The following RANBP9 variants were observed in gnomAD, a reference collection of about 807,000 sequenced individuals.
RANBP9 encodes RAN binding protein 9, also known as ran-binding protein 9.
A neutral mutation model predicts 84.3 loss-of-function variants in RANBP9; 15 were observed. The observed-to-expected ratio is 0.18, with a 90% CI of 0.12 to 0.27. The LOEUF is 0.27. RANBP9 is among the 10% of genes least tolerant of loss of function. The pLI, the probability that RANBP9 is intolerant of heterozygous loss-of-function variation, is 1.00. For missense variants in RANBP9, 809 were observed against 912.8 expected, an observed-to-expected ratio of 0.89 and a Z score of 1.46; for synonymous variants, 392 against 349.6, an observed-to-expected ratio of 1.12 and a Z score of -1.35.
At chr6:13,660,810 G>C (rs1765524467) in intron 2 of RANBP9, among the ~76,000 whole-genome samples, 1 of 152,190 alleles carries the variant, frequency 6.6e-6, no homozygotes, top group African/African-American at 2.4e-5. Flanking sequence ...TAGATGTCTA[G>C]TCAAGAAGGC....
At chr6:13,701,132 A>G (rs1031124548) in intron 1 of RANBP9, among the ~76,000 whole-genome samples, 1 of 152,152 alleles carries the variant, frequency 6.6e-6, no homozygotes, top group Non-Finnish European at 1.5e-5. Flanking sequence ...GACAGGCTAC[A>G]TGGTAATCAC....
intron 2 of RANBP9, among the ~76,000 whole-genome samples, chr6:13,668,951 T>C (rs1304643785): frequency 1.3e-5 from 2 of 152,220 alleles, no homozygotes; most frequent in South Asian, 4.1e-4. Flanking sequence ...GCATCCTCTA[T>C]TGACAGATGG....
At chr6:13,687,116 C>T (rs1766209104) in intron 2 of RANBP9, among the ~76,000 whole-genome samples, 1 of 152,062 alleles carries the variant, frequency 6.6e-6, no homozygotes, top group African/African-American at 2.4e-5. Flanking sequence ...TTCAGGTGTC[C>T]ACCCTAGGCC....
chr6:13,681,747 A>T (rs551703235), intron 2 of RANBP9, among the ~76,000 whole-genome samples: 1 of 152,324 alleles, frequency 6.6e-6, no homozygotes, highest in South Asian at 2.1e-4. Flanking sequence ...TTTCGATGGC[A>T]TATTTGCTTC....
Position 13,711,286 on chromosome 6 carries a change from G to C in RANBP9, c.220C>G (p.Pro74Ala), listed in dbSNP as rs933175083. 1.0e-6 allele frequency: 1 copy of C among 1,003,260 alleles called. No individual in the cohort carries two copies. The highest frequency in any genetic ancestry group is 1.8e-5 in the African/African-American group (1 of 56,840). The allele number at this position is 1,003,260 out of a possible 1,614,324, so 62.1% of individuals were successfully genotyped here. Reference protein sequence around the residue: ...AAALLLHPPPPPPPATAAPPP... With the variant: ...AAALLLHPPPAPPPATAAPPP... ...GGGGCCGCGGTGGCCGGGGGCGGCGGCGGCGGAGGGTGGAGGAGCAGGGCG... is the reference window on the plus strand; with the variant it reads ...GGGGCCGCGGTGGCCGGGGGCGGCGCCGGCGGAGGGTGGAGGAGCAGGGCG... The change falls in exon 1 of 14, where the codon CCG becomes GCG. Residue 74 changes from proline to alanine, a missense_variant. Around this residue, in one of 5 missense-constraint regions of RANBP9, gnomAD observed 302 missense variants for 240.1 expected, o/e 1.26. Coordinates refer to ENST00000011619, the MANE Select transcript of RANBP9 (RefSeq NM_005493.3).
rs1318792718 is a variant in RANBP9, at chr6:13,710,975, G to A, written c.531C>T (p.Tyr177=). 2.5e-6 allele frequency: 4 copies of A among 1,610,316 alleles called. No individual in the cohort carries two copies. Among genetic ancestry groups the A allele is most frequent in the East Asian group, 2.2e-5 (1 of 44,730 alleles). Residue 177 remains tyrosine (Y), a synonymous_variant, in exon 1 of 14, where the codon TAC becomes TAT. Transcript: ENST00000011619. Reference sequence around the variant, plus strand: ...GCAGGTTGTTCTGAGAGAGGCCGATGTAGCTGAACTTGTCCTTCGGGCTCC... The same window carrying A: ...GCAGGTTGTTCTGAGAGAGGCCGATATAGCTGAACTTGTCCTTCGGGCTCC... ...RSWSPKDKFS[Y]IGLSQNNLRV...
intron 2 of RANBP9, among the ~76,000 whole-genome samples, chr6:13,677,971 T>C (rs1765935015): frequency 6.6e-6 from 1 of 151,946 alleles, no homozygotes; most frequent in Non-Finnish European, 1.5e-5. Flanking sequence ...TATAAAAAAT[T>C]AGCCAGGCAT....
intron 2 of RANBP9, among the ~76,000 whole-genome samples, chr6:13,666,600 C>CTAAAAAAAAAAA (rs1765653891): frequency 2.3e-5 from 1 of 43,670 alleles, no homozygotes; most frequent in Non-Finnish European, 4.3e-5. Flanking sequence ...CCCGTCTCTC[C>CTAAAAAAAAAAA]AAAAAAAAAA....
At position 13,682,662 on chromosome 6, in the gene RANBP9, G is replaced by T. The variant is rs542574073; in HGVS notation, c.683+14123C>A. 3.3e-5 allele frequency among the ~76,000 whole-genome samples: 5 copies of T among 152,176 alleles called. No individual in the cohort carries two copies. In the South Asian group the frequency reaches 1.0e-3, roughly 32 times the overall value. ...GACAGGGTTTCGCCATGTTGGCCAGGCTGGTCTCAAAACTCCTGACCTCAG... is the reference window on the plus strand; with the variant it reads ...GACAGGGTTTCGCCATGTTGGCCAGTCTGGTCTCAAAACTCCTGACCTCAG... On this transcript the variant is annotated intron_variant, in intron 2 of 13. Coordinates refer to ENST00000011619, the MANE Select transcript of RANBP9 (RefSeq NM_005493.3).
At chr6:13,660,007 T>C (rs1276998503) in intron 2 of RANBP9, among the ~76,000 whole-genome samples, 3 of 152,194 alleles carry the variant, frequency 2.0e-5, no homozygotes, top group African/African-American at 7.2e-5. Context: ...TACCAAAACC[T>C]TTTATAATTA....
intron 2 of RANBP9, among the ~76,000 whole-genome samples, chr6:13,686,950 A>C (rs1002926562): frequency 6.6e-6 from 1 of 152,210 alleles, no homozygotes; most frequent in Non-Finnish European, 1.5e-5. Context: ...TTGGCTTCTG[A>C]AAACACCTAG....
intron 8 of RANBP9, among the ~76,000 whole-genome samples, chr6:13,639,988 G>A (rs781709254): frequency 6.6e-6 from 1 of 151,976 alleles, no homozygotes; most frequent in South Asian, 2.1e-4. Flanking sequence ...CCTTTAATCA[G>A]GATTTACCAA....
rs558298156 is a variant in RANBP9 at position 13,697,196 on chromosome 6, TA to T, written c.572-301del. On this transcript the variant is annotated intron_variant, in intron 1 of 13. Coordinates refer to ENST00000011619, the MANE Select transcript of RANBP9 (RefSeq NM_005493.3). ...ATAAAAGACATTATAGAGTACACTA[TA>T]TTTTTAAGAGGAAAAAGGCTGTATG... 1.4e-3 allele frequency among the ~76,000 whole-genome samples: 212 copies of T among 152,362 alleles called. 1 individual carries two copies. The highest frequency in any genetic ancestry group is 4.8e-3 in the African/African-American group (199 of 41,576).
At chr6:13,637,540 C>T (rs1030838127) in intron 10 of RANBP9, among the ~76,000 whole-genome samples, 1 of 152,106 alleles carries the variant, frequency 6.6e-6, no homozygotes, top group Admixed American at 6.6e-5. Flanking sequence ...GAAGACAATG[C>T]ATGAAGCCCT....
chr6:13,709,874 G>C (rs1434959765), intron 1 of RANBP9, among the ~76,000 whole-genome samples: 1 of 152,182 alleles, frequency 6.6e-6, no homozygotes, highest in African/African-American at 2.4e-5. Flanking sequence ...ACTAGGATCT[G>C]AGTAGACCCC....
chr6:13,666,651 C>G (rs896745184), intron 2 of RANBP9, among the ~76,000 whole-genome samples: 5 of 139,418 alleles, frequency 3.6e-5, no homozygotes, highest in African/African-American at 1.0e-4. Context: ...GGTGCATTGC[C>G]TGTAGTCCCA....
At chr6:13,644,204 A>T (rs574311601) in intron 6 of RANBP9, among the ~76,000 whole-genome samples, 1 of 152,292 alleles carries the variant, frequency 6.6e-6, no homozygotes, top group African/African-American at 2.4e-5. Context: ...TTCCATTAAC[A>T]TTATTAAAAG....
chr6:13,664,390 A>C (rs925078918), intron 2 of RANBP9, among the ~76,000 whole-genome samples: 1 of 152,122 alleles, frequency 6.6e-6, no homozygotes, highest in Non-Finnish European at 1.5e-5. Flanking sequence ...CGAATTGGGC[A>C]CCTCAACTGC....
chr6:13,648,977 T>C (rs1765234182), intron 5 of RANBP9, among the ~76,000 whole-genome samples: 1 of 152,214 alleles, frequency 6.6e-6, no homozygotes, highest in Admixed American at 6.5e-5. Context: ...AAAGACTATT[T>C]TGAAAAAAAT....
Sources: allele counts gnomAD v4.1 joint callset (sites outside exome capture counted in the v4.1 genomes callset), GRCh38; gene constraint gnomAD v4.1.1; regional missense constraint gnomAD v4.1.1; transcripts MANE v1.5; gene names NCBI Gene and HGNC (gene_info 2026-07-23, HGNC 2026-07-21).